Variants in USP20 observed in about 807,000 individuals in gnomAD.
USP20 encodes the protein ubiquitin specific peptidase 20.
In USP20, 80 loss-of-function variants were observed where a neutral mutation model predicts 124.2. That is an observed-to-expected ratio of 0.64 (90% CI 0.54 to 0.78). USP20 has a LOEUF of 0.78. USP20 is among the 30% of genes least tolerant of loss of function. The probability of loss-of-function intolerance (pLI) is 0.00; values close to 1 mark genes in which losing one functional copy is unlikely to be tolerated. For synonymous variants in USP20, 481 were observed against 512.3 expected (o/e 0.94, Z 0.83); for missense variants, 1,043 against 1,244.4 (o/e 0.84, Z 2.44).
Position 129,868,495 on chromosome 9 carries a change from C to G in USP20, c.1135+46C>G, listed in dbSNP as rs771047954. ...GCGGGAGGAACCTCAGCCTATGGCC[C>G]AGTACCTACCGGGTGCTGAGCGCCG... On this transcript the variant is annotated intron_variant, in intron 11 of 25. Transcript: ENST00000372429. 5 of 1,568,372 alleles carry G rather than the reference C, an allele frequency of 3.2e-6. No homozygotes were observed. The African/African-American group carries it at 6.7e-5, about 21-fold the overall frequency.
At chr9:129,845,908 G>GT (rs1052918390) in intron 1 of USP20, among the ~76,000 whole-genome samples, 37 of 151,574 alleles carry the variant, frequency 2.4e-4, no homozygotes, top group African/African-American at 2.7e-4. Flanking sequence ...GTAATAATAG[G>GT]TTTTTTTTGT....
At chr9:129,855,101 C>T (rs996219432) in intron 3 of USP20, among the ~76,000 whole-genome samples, 3 of 152,172 alleles carry the variant, frequency 2.0e-5, no homozygotes, top group Admixed American at 2.0e-4. Flanking sequence ...CTGGGCCCTG[C>T]TACAGAGACT....
At chr9:129,849,411 A>C (rs543563243) in intron 1 of USP20, among the ~76,000 whole-genome samples, 8 of 152,264 alleles carry the variant, frequency 5.3e-5, no homozygotes, top group African/African-American at 1.9e-4. Flanking sequence ...AGTTCCTCCC[A>C]GGAGGAATGC....
Position 129,874,639 on chromosome 9 carries a change from C to T in USP20, c.1804C>T (p.His602Tyr), listed in dbSNP as rs2034296930. ...GATGTACTCATTCAAGATCAACAGC[C>T]ACGTCTCCTTCCCCCTCGAGGGGCT... ...EVMYSFKINSHVSFPLEGLDL... is the reference protein window; with the variant it reads ...EVMYSFKINSYVSFPLEGLDL... The change falls in exon 18 of 26, where the codon CAC becomes TAC. Residue 602 changes from histidine to tyrosine, a missense_variant. His to Tyr is a moderately conservative substitution (Grantham distance 83). Transcript: ENST00000372429. The T allele has an allele frequency of 6.2e-7, 1 of 1,613,788 alleles. No individual in the cohort carries two copies. Among genetic ancestry groups the T allele is most frequent in the Non-Finnish European group, 8.5e-7 (1 of 1,180,034 alleles).
Position 129,869,073 on chromosome 9 carries a change from C to T in USP20, c.1276+71C>T, listed in dbSNP as rs562050800. On this transcript the variant is annotated intron_variant, in intron 12 of 25. Transcript: ENST00000372429. Reference sequence around the variant, plus strand: ...AGATTACGCCCGTAGCTGCCTTTCTCATGGCCCCCTGTGGCGGAGGGCCGG... The same window carrying T: ...AGATTACGCCCGTAGCTGCCTTTCTTATGGCCCCCTGTGGCGGAGGGCCGG... The T allele has an allele frequency of 2.0e-4, 295 of 1,511,054 alleles. 2 individuals are homozygous for T. In the South Asian group the frequency reaches 3.5e-3, roughly 18 times the overall value. The allele number at this position is 1,511,054 out of a possible 1,614,324, so 93.6% of individuals were successfully genotyped here.
At chr9:129,873,036 C>T (rs2034198075) in intron 15 of USP20, among the ~76,000 whole-genome samples, 1 of 151,032 alleles carries the variant, frequency 6.6e-6, no homozygotes, top group African/African-American at 2.4e-5. Flanking sequence ...GCCTTCCCTC[C>T]CTCCAGTACC....
intron 3 of USP20, 87 bp from the exon 4 acceptor site, chr9:129,856,220 G>T: frequency 3.7e-6 from 5 of 1,364,646 alleles, no homozygotes; most frequent in Non-Finnish European, 4.2e-6. Flanking sequence ...AGCCAGGTGG[G>T]GCCCTCCAGG....
At chr9:129,843,698 C>T (rs1410165637) in intron 1 of USP20, among the ~76,000 whole-genome samples, 1 of 152,196 alleles carries the variant, frequency 6.6e-6, no homozygotes, top group Non-Finnish European at 1.5e-5. Flanking sequence ...GATCACACCA[C>T]TGCACTCCAG....
rs748774883 is a variant in USP20 at position 129,869,705 on chromosome 9, T to C, written c.1426T>C (p.Ser476Pro). 1.9e-6 allele frequency: 3 copies of C among 1,613,986 alleles called. No homozygotes were observed. The highest frequency in any genetic ancestry group is 2.7e-5 in the African/African-American group (2 of 74,938). Residue 476 changes from serine to proline, a missense_variant, in exon 14 of 26, where the codon TCA (serine) becomes CCA (proline). Ser to Pro is a moderately conservative substitution (Grantham distance 74). Coordinates refer to ENST00000372429, the MANE Select transcript of USP20 (RefSeq NM_001110303.4). Reference sequence around the variant, plus strand: ...CACAGTGGAAACGTTCCAGGACTTATCACTGCCCATTCCTGGAAAGGAGGA... The same window carrying C: ...CACAGTGGAAACGTTCCAGGACTTACCACTGCCCATTCCTGGAAAGGAGGA... ...STTVETFQDL[S>P]LPIPGKEDLA...
chr9:129,849,045 G>A (rs775033122), intron 1 of USP20, among the ~76,000 whole-genome samples: 9 of 152,216 alleles, frequency 5.9e-5, no homozygotes, highest in African/African-American at 2.2e-4. Context: ...CTTGAGGGTC[G>A]GGGGTTCTCA....
intron 1 of USP20, among the ~76,000 whole-genome samples, chr9:129,838,704 T>G (rs532463010): frequency 1.4e-4 from 22 of 152,294 alleles, no homozygotes; most frequent in African/African-American, 5.1e-4. Flanking sequence ...TCCTAGTTCT[T>G]AGTTTCCGCA....
intron 12 of USP20, 111 bp downstream of exon 12, chr9:129,869,113 T>C (rs907825362): frequency 3.4e-6 from 5 of 1,453,736 alleles, no homozygotes; most frequent in Middle Eastern, 2.0e-4. Flanking sequence ...TGGGCTCCTC[T>C]CAGGTACACC....
chr9:129,880,417 G>A, intron 25 of USP20, 50 bp from the exon 26 acceptor site: 1 of 1,175,200 alleles, frequency 8.5e-7, no homozygotes, highest in East Asian at 2.6e-5. Flanking sequence ...GGATGTGGGA[G>A]GGCCCTGGAC....
At chr9:129,861,729 A>G in intron 8 of USP20, 117 bp downstream of exon 8, 1 of 889,972 alleles carries the variant, frequency 1.1e-6, no homozygotes, top group Non-Finnish European at 1.8e-6. Flanking sequence ...GCACAGCAAA[A>G]TGCCTGAAAG....
At chr9:129,867,217 G>T (rs919323428) in intron 10 of USP20, among the ~76,000 whole-genome samples, 64 of 152,264 alleles carry the variant, frequency 4.2e-4, no homozygotes, top group African/African-American at 1.3e-3. Context: ...CCACCACCAC[G>T]TTCTGACCTC....
intron 19 of USP20, 52 bp downstream of exon 19, chr9:129,875,007 G>A (rs937979695): frequency 2.5e-6 from 4 of 1,596,380 alleles, no homozygotes; most frequent in East Asian, 2.2e-5. Context: ...CCGTCCCCTG[G>A]GACCCATGGG....
intron 22 of USP20, among the ~76,000 whole-genome samples, 177 bp from the exon 23 acceptor site, chr9:129,878,161 G>T (rs188045341): frequency 2.6e-5 from 4 of 152,304 alleles, no homozygotes; most frequent in African/African-American, 4.8e-5. Flanking sequence ...TCTGAGTGAT[G>T]GGTGTGTTCA....
At chr9:129,836,714 C>G (rs771975580) in intron 1 of USP20, among the ~76,000 whole-genome samples, 3 of 152,200 alleles carry the variant, frequency 2.0e-5, no homozygotes, top group African/African-American at 7.2e-5. Flanking sequence ...CTCGGGACTT[C>G]TTGCACCAGC....
intron 1 of USP20, among the ~76,000 whole-genome samples, chr9:129,837,944 C>T (rs187516053): frequency 7.8e-4 from 118 of 152,224 alleles, no homozygotes; most frequent in Middle Eastern, 6.8e-3. Flanking sequence ...AAGAGCCAGG[C>T]TGTTCTTAGC....
Sources: gnomAD v4.1 joint callset for allele counts (sites outside exome capture counted in the v4.1 genomes callset) on GRCh38, gnomAD v4.1.1 for gene constraint, MANE v1.5 for transcripts, NCBI Gene and HGNC (gene_info 2026-07-23, HGNC 2026-07-21) for gene names.